Variants in CDK6 observed in about 807,000 individuals in gnomAD.
CDK6 encodes the protein cyclin-dependent kinase 6.
In CDK6, 6 loss-of-function variants were observed where a neutral mutation model predicts 37.1. The ratio of observed to expected loss-of-function variants is 0.16; its 90% CI spans 0.09 to 0.32. The LOEUF (loss-of-function observed/expected upper bound fraction) is 0.32. Among genes scored for constraint, CDK6 ranks in the 10% least tolerant of loss-of-function variants. The pLI, the probability that CDK6 is intolerant of heterozygous loss-of-function variation, is 1.00. For synonymous variants in CDK6, 160 were observed against 161.3 expected (o/e 0.99, Z 0.06); for missense variants, 224 against 418.9 (o/e 0.53, Z 4.06).
chr7:92,622,969 C>T (rs1795839156), intron 6 of CDK6, 67 bp downstream of exon 6: 1 of 953,400 alleles, frequency 1.0e-6, no homozygotes. Context: ...ATATGCATGT[C>T]AGAGGAAAGT....
At position 92,785,781 on chromosome 7, in the gene CDK6, C is replaced by T. The variant is rs182234090; in HGVS notation, c.234-10950G>A. Among the ~76,000 whole-genome samples, 85 of 152,236 alleles carry T rather than the reference C, an allele frequency of 5.6e-4. 3 individuals carry two copies. Among genetic ancestry groups the T allele is most frequent in the Admixed American group, 5.0e-3 (76 of 15,296 alleles). ...GGGAGACTTTGTGACAAATGAGATA[C>T]CCTGCTGACAGGCATTGTGGGAATG... On this transcript the variant is annotated intron_variant, in intron 2 of 7. Coordinates refer to ENST00000424848, the MANE Select transcript of CDK6 (RefSeq NM_001145306.2).
At chr7:92,623,618 A>T (rs969540041) in intron 5 of CDK6, among the ~76,000 whole-genome samples, 1 of 152,120 alleles carries the variant, frequency 6.6e-6, no homozygotes, top group Non-Finnish European at 1.5e-5. Context: ...GCAGCTAACC[A>T]TTACAAGTTC....
chr7:92,757,479 T>G (rs908169868), intron 3 of CDK6, among the ~76,000 whole-genome samples: 1 of 152,230 alleles, frequency 6.6e-6, no homozygotes, highest in Admixed American at 6.5e-5. Flanking sequence ...GCAAAATACA[T>G]GATCTTGTTC....
At chr7:92,780,149 T>G (rs1799950736) in intron 2 of CDK6, among the ~76,000 whole-genome samples, 1 of 152,086 alleles carries the variant, frequency 6.6e-6, no homozygotes, top group Non-Finnish European at 1.5e-5. Flanking sequence ...ATTTTTGTAT[T>G]TTTAGTAAGG....
chr7:92,771,132 A>T (rs1019444869), intron 3 of CDK6, among the ~76,000 whole-genome samples: 38 of 151,712 alleles, frequency 2.5e-4, no homozygotes, highest in Admixed American at 2.5e-3. Context: ...GCTACTCAGG[A>T]GGCTGAGGCA....
intron 3 of CDK6, among the ~76,000 whole-genome samples, chr7:92,754,550 C>T (rs1309396259): frequency 6.6e-6 from 1 of 152,204 alleles, no homozygotes; most frequent in African/African-American, 2.4e-5. Flanking sequence ...CTCAGTCACC[C>T]ATCCCTCTGT....
chr7:92,718,546 GT>G (rs1798286798), intron 4 of CDK6, among the ~76,000 whole-genome samples: 1 of 152,160 alleles, frequency 6.6e-6, no homozygotes, highest in African/African-American at 2.4e-5. Context: ...GCTTCACTTT[GT>G]CACTTGGTGG....
chr7:92,721,631 C>T (rs1040400198), intron 4 of CDK6, among the ~76,000 whole-genome samples: 1 of 152,146 alleles, frequency 6.6e-6, no homozygotes, highest in Admixed American at 6.5e-5. Flanking sequence ...TTGGAGGCAG[C>T]CTGGCAAAGT....
intron 5 of CDK6, among the ~76,000 whole-genome samples, chr7:92,656,123 A>G (rs915244278): frequency 1.2e-4 from 19 of 152,126 alleles, no homozygotes; most frequent in African/African-American, 4.3e-4. Context: ...GAAGGAAGAG[A>G]AGGAGGAGAA....
chr7:92,680,436 A>AAG (rs1797307828), intron 4 of CDK6, among the ~76,000 whole-genome samples: 1 of 85,598 alleles, frequency 1.2e-5, no homozygotes. Context: ...TCCATCTCAG[A>AAG]AAAAAAAAAA....
chr7:92,632,267 G>A (rs1381567456), intron 5 of CDK6, among the ~76,000 whole-genome samples: 2 of 152,092 alleles, frequency 1.3e-5, no homozygotes, highest in Non-Finnish European at 2.9e-5. Flanking sequence ...ATAATCACTA[G>A]ACATTTTCTG....
intron 3 of CDK6, among the ~76,000 whole-genome samples, chr7:92,759,711 A>AG (rs1285994073): frequency 6.6e-6 from 1 of 151,348 alleles, no homozygotes; most frequent in African/African-American, 2.4e-5. Context: ...AAAAAAAAAA[A>AG]AAAAAGAAAA....
rs921465914 is a variant in CDK6, at chr7:92,608,511, T to TA, written c.*6628dup. 2.6e-4 allele frequency: 60 copies of TA among 229,336 alleles called. No homozygotes were observed. The highest frequency in any genetic ancestry group is 9.1e-4 in the Admixed American group (16 of 17,560). 14.2% of individuals were successfully genotyped at this position (229,336 alleles called of 1,614,324 possible). A position where few individuals can be genotyped will look rare whatever the true frequency, so the allele number is the denominator to read the frequency against. On this transcript the variant is annotated 3_prime_UTR_variant, in exon 8 of 8. Transcript: ENST00000424848. Reference sequence around the variant, plus strand: ...TATAGAATGATGGAAAATAAAAAAATAAAAAAAAATTCCTGCAATTATACA... The same window carrying TA: ...TATAGAATGATGGAAAATAAAAAAATAAAAAAAAAATTCCTGCAATTATACA...
rs1489085676 is a variant in CDK6 at position 92,609,819 on chromosome 7, T to G, written c.*5321A>C. The G allele has an allele frequency of 4.3e-6, 1 of 230,582 alleles. No homozygotes were observed. The highest frequency in any genetic ancestry group is 6.2e-5 in the East Asian group (1 of 16,120). 14.3% of individuals were successfully genotyped at this position (230,582 alleles called of 1,614,324 possible). A position where few individuals can be genotyped will look rare whatever the true frequency, so the allele number is the denominator to read the frequency against. On this transcript the variant is annotated 3_prime_UTR_variant, in exon 8 of 8. Coordinates refer to ENST00000424848, the MANE Select transcript of CDK6 (RefSeq NM_001145306.2). Reference sequence around the variant, plus strand: ...AACTGGGTACTTCAAAAATTTTTTCTTGACTGAATGAATGACTAGGCTTTC... The same window carrying G: ...AACTGGGTACTTCAAAAATTTTTTCGTGACTGAATGAATGACTAGGCTTTC...
intron 2 of CDK6, among the ~76,000 whole-genome samples, chr7:92,775,177 A>C (rs1799819149): frequency 6.6e-6 from 1 of 152,198 alleles, no homozygotes; most frequent in African/African-American, 2.4e-5. Context: ...GTCTAGGCAA[A>C]ATATGTTTCT....
At chr7:92,717,800 G>A (rs1330391385) in intron 4 of CDK6, among the ~76,000 whole-genome samples, 5 of 152,180 alleles carry the variant, frequency 3.3e-5, no homozygotes, top group Admixed American at 2.6e-4. Flanking sequence ...AATCCACTTG[G>A]TGCAATTAGA....
intron 5 of CDK6, among the ~76,000 whole-genome samples, chr7:92,670,525 A>G (rs1005910279): frequency 5.3e-5 from 8 of 152,256 alleles, no homozygotes; most frequent in African/African-American, 1.9e-4. Context: ...GAAAAAAAAG[A>G]TTAGATTATG....
intron 4 of CDK6, among the ~76,000 whole-genome samples, chr7:92,712,166 A>C (rs1585419961): frequency 6.6e-6 from 1 of 151,966 alleles, no homozygotes; most frequent in Non-Finnish European, 1.5e-5. Context: ...TCCCAAAAAA[A>C]AAAAAAGAAC....
intron 4 of CDK6, among the ~76,000 whole-genome samples, chr7:92,721,047 T>C (rs1468751202): frequency 6.6e-6 from 1 of 152,230 alleles, no homozygotes; most frequent in Non-Finnish European, 1.5e-5. Flanking sequence ...TAATTTTTCA[T>C]GGTTTCAGAG....
Sources: gnomAD v4.1 joint callset for allele counts (sites outside exome capture counted in the v4.1 genomes callset) on GRCh38, gnomAD v4.1.1 for gene constraint, MANE v1.5 for transcripts, NCBI Gene and HGNC (gene_info 2026-07-23, HGNC 2026-07-21) for gene names.